SARS2: variants seen among roughly 807,000 people sequenced by gnomAD.
SARS2 encodes seryl-tRNA synthetase 2, mitochondrial.
SARS2 carries 52 observed loss-of-function variants against 66.8 expected under a neutral mutation model. That is an observed-to-expected ratio of 0.78 (90% CI 0.62 to 0.98). The LOEUF is 0.98. SARS2 is among the 50% of genes least tolerant of loss of function. The pLI is 0.00. For synonymous variants in SARS2, 306 were observed against 281.4 expected (o/e 1.09, Z -0.87); for missense variants, 673 against 706.3 (o/e 0.95, Z 0.53).
At chr19:38,926,865 G>T (rs576151125) in intron 1 of SARS2, among the ~76,000 whole-genome samples, 4 of 152,004 alleles carry the variant, frequency 2.6e-5, no homozygotes, top group African/African-American at 9.6e-5. Flanking sequence ...TAGGTGGGAG[G>T]ACTGCTTGAG....
chr19:38,930,502 C>A lies in SARS2; in HGVS notation c.235G>T (p.Gly79Trp). ...EAAHALELRK[G>W]ELRSADLPAI... ...GGCAGGTCCGCCGAGCGCAGCTCCC[C>A]CTTGCGGAGCTCCAGGGCGTGTGCG... The change falls in exon 1 of 16, where the codon GGG becomes TGG. Residue 79 changes from glycine to tryptophan, a missense_variant. Transcript: ENST00000221431. The A allele has an allele frequency of 6.2e-7, 1 of 1,609,866 alleles. No individual in the cohort carries two copies. The highest frequency in any genetic ancestry group is 8.5e-7 in the Non-Finnish European group (1 of 1,178,018).
chr19:38,927,845 C>T (rs4801955), intron 1 of SARS2, among the ~76,000 whole-genome samples: 31,836 of 151,422 alleles, frequency 0.21, 3,953 homozygotes, highest in South Asian at 0.34. Context: ...CCAGCCTGGC[C>T]AAGATGGTGA....
At chr19:38,923,942 C>A (rs1974585276) in intron 2 of SARS2, among the ~76,000 whole-genome samples, 1 of 150,566 alleles carries the variant, frequency 6.6e-6, no homozygotes. Flanking sequence ...CCACTGCAGT[C>A]TGGCCTAGGT....
intron 2 of SARS2, among the ~76,000 whole-genome samples, chr19:38,923,270 G>A (rs1206983312): frequency 4.1e-5 from 5 of 121,766 alleles, no homozygotes; most frequent in Non-Finnish European, 6.5e-5. Context: ...CGCCCAGGCT[G>A]GAGTGCAGTG....
intron 2 of SARS2, among the ~76,000 whole-genome samples, chr19:38,922,942 C>T (rs1380693836): frequency 7.4e-5 from 11 of 148,830 alleles, no homozygotes; most frequent in Admixed American, 2.7e-4. Flanking sequence ...CTTGCTCTGT[C>T]GCCCAGGCTG....
intron 5 of SARS2, among the ~76,000 whole-genome samples, chr19:38,920,986 GAC>G (rs1555743842): frequency 2.4e-4 from 34 of 141,282 alleles, no homozygotes; most frequent in Admixed American, 4.9e-4. Context: ...CACAAACACA[GAC>G]ACACACACAC....
intron 2 of SARS2, among the ~76,000 whole-genome samples, chr19:38,923,165 A>G (rs1193918749): frequency 2.7e-5 from 4 of 150,562 alleles, no homozygotes. Context: ...TTGGTCTCCC[A>G]AAGTGCTGGG....
intron 1 of SARS2, among the ~76,000 whole-genome samples, chr19:38,928,106 C>T (rs1377957865): frequency 6.9e-6 from 1 of 145,194 alleles, no homozygotes; most frequent in Non-Finnish European, 1.5e-5. Flanking sequence ...TAGCCAGGCG[C>T]AGTGGCTCAT....
At chr19:38,916,415 A>G in intron 12 of SARS2, 101 bp from the exon 13 acceptor site, 1 of 1,066,634 alleles carries the variant, frequency 9.4e-7, no homozygotes, top group Non-Finnish European at 1.4e-6. Context: ...AAAAGCAGGA[A>G]AAAGCCCAGG....
intron 3 of SARS2, 93 bp downstream of exon 3, chr19:38,922,145 G>A: frequency 6.3e-7 from 1 of 1,598,690 alleles, no homozygotes; most frequent in Non-Finnish European, 8.6e-7. Context: ...ACCTGTTTGA[G>A]TTGTTTTCTG....
intron 1 of SARS2, among the ~76,000 whole-genome samples, chr19:38,926,954 T>G (rs1974638576): frequency 6.8e-6 from 1 of 146,364 alleles, no homozygotes. Flanking sequence ...TTTTTTTTTC[T>G]GAGACAGAGT....
intron 7 of SARS2, 71 bp downstream of exon 7, chr19:38,919,691 T>C: frequency 8.7e-7 from 1 of 1,147,610 alleles, no homozygotes; most frequent in Non-Finnish European, 1.3e-6. Flanking sequence ...ATCACTCCCA[T>C]CCCCGTTGGG....
chr19:38,921,486 G>A, intron 4 of SARS2, 40 bp from the exon 5 acceptor site: 1 of 1,614,176 alleles, frequency 6.2e-7, no homozygotes, highest in Non-Finnish European at 8.5e-7. Flanking sequence ...GGTGGCACTA[G>A]GTGGGCCCCT....
intron 3 of SARS2, 150 bp downstream of exon 3, chr19:38,922,087 AG>A (rs1472965553): frequency 5.0e-6 from 8 of 1,599,046 alleles, no homozygotes; most frequent in African/African-American, 1.3e-5. Flanking sequence ...ACCTGAAGCC[AG>A]TTTTAGTTTC....
chr19:38,927,299 A>G (rs2144781216), intron 1 of SARS2, among the ~76,000 whole-genome samples: 1 of 152,170 alleles, frequency 6.6e-6, no homozygotes, highest in African/African-American at 2.4e-5. Context: ...CTCAAAAACA[A>G]AAAAAATTGT....
intron 5 of SARS2, among the ~76,000 whole-genome samples, chr19:38,920,672 GAC>G (rs1974505341): frequency 1.3e-5 from 2 of 150,414 alleles, no homozygotes; most frequent in Non-Finnish European, 3.0e-5. Flanking sequence ...CGCAGAGACA[GAC>G]ACACAGATAC....
In SARS2 at chr19:38,919,864, G is replaced by A; in HGVS notation, c.657C>T (p.Arg219=). Residue 219 remains arginine (R), a synonymous_variant, in exon 7 of 16, where the codon CGC becomes CGT. Coordinates refer to ENST00000221431, the MANE Select transcript of SARS2 (RefSeq NM_017827.4). ...ACCGGTGGCCAGACACGTGGGACAG[G>A]CGCCTGGGAGACAGACAGACAGGCG... ...GEKLDIIRQK[R]LSHVSGHRSY... 1 of 1,613,808 alleles carries A rather than the reference G, an allele frequency of 6.2e-7. No homozygotes were observed. The highest frequency in any genetic ancestry group is 8.5e-7 in the Non-Finnish European group (1 of 1,179,778).
At chr19:38,921,831 C>T in intron 3 of SARS2, 164 bp from the exon 4 acceptor site, 4 of 1,320,658 alleles carry the variant, frequency 3.0e-6, no homozygotes, top group Non-Finnish European at 4.2e-6. Context: ...CACCACATGG[C>T]AGGTTTGTGG....
At chr19:38,918,839 C>T (rs1186967632) in intron 7 of SARS2, 26 bp from the exon 8 acceptor site, 1 of 1,554,540 alleles carries the variant, frequency 6.4e-7, no homozygotes, top group African/African-American at 1.4e-5. Flanking sequence ...GATGAGTGAG[C>T]AGAGCTGGGA....
Sources: gnomAD v4.1 joint callset for allele counts (sites outside exome capture counted in the v4.1 genomes callset) on GRCh38, gnomAD v4.1.1 for gene constraint, MANE v1.5 for transcripts, NCBI Gene and HGNC (gene_info 2026-07-23, HGNC 2026-07-21) for gene names.